Variants in PRICKLE3 observed in about 807,000 individuals in gnomAD.
PRICKLE3 encodes prickle planar cell polarity protein 3.
A neutral mutation model predicts 33.8 loss-of-function variants in PRICKLE3; 17 were observed. The ratio of observed to expected loss-of-function variants is 0.50; its 90% CI spans 0.34 to 0.75. PRICKLE3 has a LOEUF of 0.75. Among genes scored for constraint, PRICKLE3 ranks in the 30% least tolerant of loss-of-function variants. The pLI, the probability that PRICKLE3 is intolerant of heterozygous loss-of-function variation, is 0.01. For synonymous variants in PRICKLE3, 211 were observed against 219.6 expected, an observed-to-expected ratio of 0.96 and a Z score of 0.34; for missense variants, 573 against 576.7, an observed-to-expected ratio of 0.99 and a Z score of 0.07.
Position 49,177,201 on chromosome X carries a change from G to T in PRICKLE3, c.957C>A (p.Gly319=), listed in dbSNP as rs782271156. The stretch of plus-strand genomic sequence containing the variant: ...CGTAAGCCATCTGGCCTTGGTCCAG[G>T]CCTGTGGGGAACGACGAGGGGGAAA... ...EYCDGCGEHI[G]LDQGQMAYEG... The change falls in exon 8 of 9, where the codon GGC becomes GGA. Residue 319 remains glycine, a splice_region_variant and synonymous_variant. Coordinates refer to ENST00000599218, the MANE Select transcript of PRICKLE3 (RefSeq NM_006150.5). The T allele has an allele frequency of 8.7e-7, 1 of 1,150,437 alleles. No individual in the cohort carries two copies. The highest frequency in any genetic ancestry group is 2.0e-5 in the South Asian group (1 of 49,633). 94.8% of individuals were successfully genotyped at this position (1,150,437 alleles called of 1,213,427 possible).
chrX:49,179,341 T>C lies in PRICKLE3; in HGVS notation c.474A>G (p.Arg158=). The C allele has an allele frequency of 8.3e-7, 1 of 1,211,253 alleles. No individual in the cohort carries two copies. The highest frequency in any genetic ancestry group is 1.1e-6 in the Non-Finnish European group (1 of 895,281). The change falls in exon 5 of 9, where the codon CGA becomes CGG. Residue 158 remains arginine (R), a synonymous_variant. Coordinates refer to ENST00000599218, the MANE Select transcript of PRICKLE3 (RefSeq NM_006150.5). ...ALEEEEKKEL[R]AFSQQRKREN... ...CCCGCTTCCGCTGCTGGCTAAAGGCTCGGAGCTCTTTCTTTTCCTCCTCTT... is the reference window on the plus strand; with the variant it reads ...CCCGCTTCCGCTGCTGGCTAAAGGCCCGGAGCTCTTTCTTTTCCTCCTCTT...
chrX:49,183,114 G>A (rs966729802), intron 3 of PRICKLE3, among the ~76,000 whole-genome samples: 2 of 112,145 alleles, frequency 1.8e-5, no homozygotes, highest in African/African-American at 6.5e-5. Flanking sequence ...GTGAGCCACC[G>A]TGCCCGTGGG....
rs372348076 is a variant in PRICKLE3, at chrX:49,179,653, G to A, written c.426+40C>T. On this transcript the variant is annotated intron_variant, in intron 4 of 8. Coordinates refer to ENST00000599218, the MANE Select transcript of PRICKLE3 (RefSeq NM_006150.5). ...TGCCCTGCATTGGCCCAGGCTGTGTGCTGTGCCTGGCATGCCCTTCCTGTC... is the reference window on the plus strand; with the variant it reads ...TGCCCTGCATTGGCCCAGGCTGTGTACTGTGCCTGGCATGCCCTTCCTGTC... 1.5e-5 allele frequency: 16 copies of A among 1,036,755 alleles called. No individual in the cohort carries two copies. In the African/African-American group the frequency reaches 3.0e-4, roughly 20 times the overall value. The allele number at this position is 1,036,755 out of a possible 1,213,427, so 85.4% of individuals were successfully genotyped here.
Position 49,176,387 on chromosome X carries a change from G to A in PRICKLE3, c.1256-122C>T, listed in dbSNP as rs1557100048. On this transcript the variant is annotated intron_variant, in intron 8 of 8. Transcript: ENST00000599218. Reference sequence around the variant, plus strand: ...GACTGGGAAAGTGGGGGCAGGGGTCGGAGAATGGCAGGGAGGTGGGAAGTC... The same window carrying A: ...GACTGGGAAAGTGGGGGCAGGGGTCAGAGAATGGCAGGGAGGTGGGAAGTC... 6.2e-5 allele frequency: 32 copies of A among 516,862 alleles called. No individual in the cohort carries two copies. The East Asian group carries it at 1.1e-3, about 17-fold the overall frequency. 42.6% of individuals were successfully genotyped at this position (516,862 alleles called of 1,213,427 possible).
chrX:49,177,329 C>G, intron 7 of PRICKLE3, 127 bp from the exon 8 acceptor site: 1 of 709,993 alleles, frequency 1.4e-6, no homozygotes, highest in Non-Finnish European at 2.0e-6. Context: ...GTGCCTTCCT[C>G]CCTCCTCCAG....
Position 49,184,570 on chromosome X carries a change from T to TC in PRICKLE3, c.128+54dup, listed in dbSNP as rs1464453297. On this transcript the variant is annotated intron_variant, in intron 2 of 8. Transcript: ENST00000599218. ...GGGCGTGGCGTAAGGCTCCTGGATT[T>TC]CCCCCCGAAGGCGGAGCTCTGACAA... 13 of 1,023,894 alleles carry TC rather than the reference T, an allele frequency of 1.3e-5. No individual in the cohort carries two copies. In the Middle Eastern group the frequency reaches 8.1e-4, roughly 64 times the overall value. The allele number at this position is 1,023,894 out of a possible 1,213,427, so 84.4% of individuals were successfully genotyped here.
chrX:49,184,299 G>C (rs1292198800), intron 2 of PRICKLE3, among the ~76,000 whole-genome samples: 1 of 111,637 alleles, frequency 9.0e-6, no homozygotes, highest in Non-Finnish European at 1.9e-5. Context: ...GGGCCTGGGA[G>C]AGTAGGTCTG....
rs1223041274 is a variant in PRICKLE3 at position 49,174,949 on chromosome X, A to G, written c.*724T>C. Reference sequence around the variant, plus strand: ...CCAGTTCTGACTGAACCATGCCCCCACCTAAGTCACAAAATGAGGGAAGTG... The same window carrying G: ...CCAGTTCTGACTGAACCATGCCCCCGCCTAAGTCACAAAATGAGGGAAGTG... On this transcript the variant is annotated 3_prime_UTR_variant, in exon 9 of 9. Transcript: ENST00000599218. The G allele has an allele frequency of 1.2e-4, 51 of 436,700 alleles. 1 individual carries two copies. Among genetic ancestry groups the G allele is most frequent in the Non-Finnish European group, 3.2e-5 (8 of 248,990 alleles). The allele number at this position is 436,700 out of a possible 1,213,427, so 36.0% of individuals were successfully genotyped here.
chrX:49,175,699 G>A lies in PRICKLE3; in HGVS notation c.1822C>T (p.Arg608Ter). 8.3e-7 allele frequency: 1 copy of A among 1,211,039 alleles called. No homozygotes were observed. Among genetic ancestry groups the A allele is most frequent in the Non-Finnish European group, 1.1e-6 (1 of 895,056 alleles). ...CAAGCCACGATGCAGTTCTTGTCTC[G>A]GGCCTGACGAGGCATCCCTGCGCGA... Reference protein sequence around the residue: ...DSRAGMPRQARDKNCIVA With the variant: ...DSRAGMPRQA Residue 608 changes from arginine to a stop codon, truncating the protein, a stop_gained, in exon 9 of 9, where the codon CGA (arginine) becomes TGA (stop). Coordinates refer to ENST00000599218, the MANE Select transcript of PRICKLE3 (RefSeq NM_006150.5). LOFTEE classifies it high-confidence loss of function.
intron 3 of PRICKLE3, among the ~76,000 whole-genome samples, chrX:49,181,528 T>TGTGTATATATACACGTATATGTAC (rs2065451302): frequency 2.8e-4 from 24 of 86,832 alleles, no homozygotes; most frequent in South Asian, 2.2e-3. Flanking sequence ...TACGTATATA[T>TGTGTATATATACACGTATATGTAC]GTGTATATAT....
chrX:49,177,930 G>A (rs782502832), intron 7 of PRICKLE3, 63 bp downstream of exon 7: 338 of 1,084,993 alleles, frequency 3.1e-4, no homozygotes, highest in Non-Finnish European at 3.8e-4. Context: ...GAGTCCTGGT[G>A]GGGTAGGACT....
chrX:49,185,896 CAA>C (rs35472415), intron 1 of PRICKLE3, among the ~76,000 whole-genome samples: 12 of 29,727 alleles, frequency 4.0e-4, no homozygotes, highest in Admixed American at 1.2e-3. Flanking sequence ...GATTCAGTCT[CAA>C]AAAAAAAAAA....
intron 4 of PRICKLE3, 90 bp downstream of exon 4, chrX:49,179,603 C>T (rs1026636145): frequency 3.3e-6 from 3 of 899,092 alleles, no homozygotes; most frequent in Non-Finnish European, 4.8e-6. Context: ...CACCTCAGAT[C>T]AGCTCACCTT....
chrX:49,178,356 G>A lies in PRICKLE3; in HGVS notation c.684C>T (p.Leu228=), dbSNP rs781958208. 2 of 1,208,797 alleles carry A rather than the reference G, an allele frequency of 1.7e-6. No individual in the cohort carries two copies. The highest frequency in any genetic ancestry group is 1.8e-5 in the South Asian group (1 of 56,494). ...CTTCQELLVD[L]IYFYHVGKVY... ...CCTTGCCAACATGGTAGAAGTAGAT[G>A]AGGTCAACCAGCAGTTCCTGGCACG... The change falls in exon 6 of 9, where the codon CTC becomes CTT. Residue 228 remains leucine, a synonymous_variant. Transcript: ENST00000599218.
At chrX:49,181,605 A>G (rs72619039) in intron 3 of PRICKLE3, among the ~76,000 whole-genome samples, 3 of 9,829 alleles carry the variant, frequency 3.1e-4, no homozygotes, top group African/African-American at 3.5e-4. Context: ...CTATATACGT[A>G]TATATATATG....
chrX:49,183,481 C>A lies in PRICKLE3; in HGVS notation c.312+253G>T, dbSNP rs1001552731. ...GGCTGTGGTGGGCAACAGAGTGAGA[C>A]CCTGTCTCAAAAACAATCAATCAAA... On this transcript the variant is annotated intron_variant, in intron 3 of 8. Transcript: ENST00000599218. 11 of 604,104 alleles carry A rather than the reference C, an allele frequency of 1.8e-5. No homozygotes were observed. In the East Asian group the frequency reaches 2.4e-4, roughly 13 times the overall value. The allele number at this position is 604,104 out of a possible 1,213,427, so 49.8% of individuals were successfully genotyped here.
Position 49,186,273 on chromosome X carries a change from G to T in PRICKLE3, c.25C>A (p.Arg9Ser). The change falls in exon 1 of 9, where the codon CGC becomes AGC. Residue 9 changes from arginine (R) to serine (S), a missense_variant. Coordinates refer to ENST00000599218, the MANE Select transcript of PRICKLE3 (RefSeq NM_006150.5). Reference protein sequence around the residue: MFARGSRRRRSGRAPPEAE... With the variant: MFARGSRRSRSGRAPPEAE... ...CCGCTCACCGCACGCCCGGAGCGGC[G>T]CCTCCGGGACCCACGCGCGAACATG... 2 of 1,153,916 alleles carry T rather than the reference G, an allele frequency of 1.7e-6. No individual in the cohort carries two copies. The highest frequency in any genetic ancestry group is 1.2e-6 in the Non-Finnish European group (1 of 867,209).
chrX:49,176,104 G>A lies in PRICKLE3; in HGVS notation c.1417C>T (p.Arg473Cys), dbSNP rs1263219584. 6.6e-6 allele frequency: 8 copies of A among 1,207,794 alleles called. No homozygotes were observed. The highest frequency in any genetic ancestry group is 8.9e-6 in the Non-Finnish European group (8 of 894,378). ...DSAFGRQSTP[R>C]VSFRDPLVSE... ...ACCAGAGGGTCGCGGAAGCTGACGC[G>A]TGGGGTGCTCTGACGACCGAAGGCA... The change falls in exon 9 of 9, where the codon CGC becomes TGC. Residue 473 changes from arginine (R) to cysteine (C), a missense_variant. Transcript: ENST00000599218.
chrX:49,184,041 CAGGGAT>C (rs1206586892), intron 2 of PRICKLE3, 124 bp from the exon 3 acceptor site: 15 of 901,804 alleles, frequency 1.7e-5, no homozygotes, highest in Non-Finnish European at 2.1e-5. Context: ...TGAGCAGGGA[CAGGGAT>C]CTGGGCCTGG....
Sources: gnomAD v4.1 joint callset for allele counts (sites outside exome capture counted in the v4.1 genomes callset) on GRCh38, gnomAD v4.1.1 for gene constraint, MANE v1.5 for transcripts, NCBI Gene and HGNC (gene_info 2026-07-23, HGNC 2026-07-21) for gene names.